RAB27B: variants seen among roughly 807,000 people sequenced by gnomAD.
The protein encoded by RAB27B is RAB27B, member RAS oncogene family, also known as ras-related protein Rab-27B.
A neutral mutation model predicts 24.6 loss-of-function variants in RAB27B; 15 were observed. The ratio of observed to expected loss-of-function variants is 0.61; its 90% confidence interval spans 0.41 to 0.94. RAB27B has a LOEUF of 0.94. Ranked by LOEUF, RAB27B falls within the 40% of genes least tolerant of loss-of-function variation. The pLI is 0.00. For missense variants in RAB27B, 261 were observed against 266.8 expected (o/e 0.98, Z 0.15); for synonymous variants, 105 against 92.5 (o/e 1.14, Z -0.78).
intron 3 of RAB27B, among the ~76,000 whole-genome samples, chr18:54,882,870 T>G (rs539931044): frequency 6.6e-6 from 1 of 152,078 alleles, no homozygotes; most frequent in South Asian, 2.1e-4. Flanking sequence ...AGTAGAGCAT[T>G]GATATAATCT....
intron 1 of RAB27B, among the ~76,000 whole-genome samples, chr18:54,869,669 A>C (rs2145255276): frequency 6.6e-6 from 1 of 152,356 alleles, no homozygotes; most frequent in African/African-American, 2.4e-5. Flanking sequence ...AAATAGGATT[A>C]ATAACCTAGG....
intron 2 of RAB27B, among the ~76,000 whole-genome samples, chr18:54,762,684 CT>C (rs1363010964): frequency 5.8e-4 from 89 of 152,148 alleles, no homozygotes; most frequent in Non-Finnish European, 1.0e-3. Context: ...TCTCTGAGGT[CT>C]TCCCTGGTGA....
chr18:54,777,289 A>T (rs907203886), intron 2 of RAB27B, among the ~76,000 whole-genome samples: 4 of 152,222 alleles, frequency 2.6e-5, no homozygotes, highest in African/African-American at 9.6e-5. Context: ...GAGAAGGAAG[A>T]GAAAGTACTT....
chr18:54,831,024 C>T (rs1910652550), intron 1 of RAB27B, among the ~76,000 whole-genome samples: 1 of 152,152 alleles, frequency 6.6e-6, no homozygotes. Flanking sequence ...GACCAAAATT[C>T]CTGACCTTGT....
chr18:54,817,502 G>C (rs549279755), intron 2 of RAB27B, among the ~76,000 whole-genome samples: 1 of 152,142 alleles, frequency 6.6e-6, no homozygotes, highest in South Asian at 2.1e-4. Flanking sequence ...AATCTTTTGG[G>C]CATAAAATAC....
At chr18:54,779,670 T>C (rs547556083) in intron 2 of RAB27B, among the ~76,000 whole-genome samples, 160 of 152,278 alleles carry the variant, frequency 1.1e-3, no homozygotes, top group African/African-American at 3.6e-3. Flanking sequence ...ACCAGTGATA[T>C]CAGCATCAAT....
At chr18:54,785,264 G>GCTAA (rs202032973) in intron 2 of RAB27B, among the ~76,000 whole-genome samples, 5 of 8,912 alleles carry the variant, frequency 5.6e-4, no homozygotes, top group Non-Finnish European at 4.1e-3. Flanking sequence ...AGCATGTCTG[G>GCTAA]CTTTTTTTTG....
chr18:54,753,402 A>G (rs1907898413), intron 2 of RAB27B, among the ~76,000 whole-genome samples: 1 of 152,168 alleles, frequency 6.6e-6, no homozygotes, highest in African/African-American at 2.4e-5. Context: ...GGCTTTGGGC[A>G]AGTTATTCTA....
chr18:54,722,450 G>A (rs777462174), intron 2 of RAB27B, among the ~76,000 whole-genome samples: 4 of 152,100 alleles, frequency 2.6e-5, no homozygotes, highest in African/African-American at 4.8e-5. Flanking sequence ...CTACATCCAC[G>A]GAGGTTAGAC....
At chr18:54,765,211 T>C (rs566676196) in intron 2 of RAB27B, among the ~76,000 whole-genome samples, 2 of 152,236 alleles carry the variant, frequency 1.3e-5, no homozygotes, top group South Asian at 4.2e-4. Context: ...CAGTCTTTAT[T>C]TTGCTCCTGG....
intron 2 of RAB27B, among the ~76,000 whole-genome samples, chr18:54,817,765 G>GA (rs149782836): frequency 1.6e-3 from 242 of 151,804 alleles, no homozygotes; most frequent in African/African-American, 5.4e-3. Context: ...GATCTCATAA[G>GA]AATCACCAGA....
At chr18:54,802,847 C>A (rs1909652987) in intron 2 of RAB27B, among the ~76,000 whole-genome samples, 1 of 152,162 alleles carries the variant, frequency 6.6e-6, no homozygotes, top group Non-Finnish European at 1.5e-5. Context: ...TATGTCAAGT[C>A]TTTGTCAATG....
intron 2 of RAB27B, among the ~76,000 whole-genome samples, chr18:54,731,748 T>C (rs1215646878): frequency 6.6e-6 from 1 of 152,152 alleles, no homozygotes; most frequent in Non-Finnish European, 1.5e-5. Flanking sequence ...GGCATAAACA[T>C]TTACAAAAAT....
At chr18:54,862,854 T>A (rs1240612090) in intron 1 of RAB27B, among the ~76,000 whole-genome samples, 3 of 152,228 alleles carry the variant, frequency 2.0e-5, no homozygotes, top group Non-Finnish European at 4.4e-5. Context: ...CACAGAAGAT[T>A]GGCTGTTGGA....
intron 2 of RAB27B, among the ~76,000 whole-genome samples, chr18:54,739,491 CCTTTTT>C: frequency 6.7e-6 from 1 of 150,050 alleles, no homozygotes. Context: ...AGAAATACTA[CCTTTTT>C]AAAATCCATT....
intron 1 of RAB27B, among the ~76,000 whole-genome samples, chr18:54,830,868 T>C (rs902130049): frequency 2.0e-5 from 3 of 152,160 alleles, no homozygotes; most frequent in Admixed American, 1.3e-4. Context: ...GTTTATCAAA[T>C]GGCCAAAAAA....
intron 2 of RAB27B, among the ~76,000 whole-genome samples, chr18:54,805,094 G>C (rs899724395): frequency 6.6e-6 from 1 of 151,602 alleles, no homozygotes; most frequent in Non-Finnish European, 1.5e-5. Flanking sequence ...CTTAATCCAA[G>C]GGCACTCTGA....
chr18:54,863,884 T>C (rs1912105964), intron 1 of RAB27B, among the ~76,000 whole-genome samples: 1 of 152,224 alleles, frequency 6.6e-6, no homozygotes, highest in Admixed American at 6.5e-5. Flanking sequence ...GAATTGTACA[T>C]ACATGCCACA....
At chr18:54,768,560 T>C (rs1054554069) in intron 2 of RAB27B, among the ~76,000 whole-genome samples, 7 of 152,164 alleles carry the variant, frequency 4.6e-5, no homozygotes, top group Non-Finnish European at 8.8e-5. Context: ...AGGTAATCAA[T>C]GTCAGCAATC....
Sources: allele counts gnomAD v4.1 joint callset (sites outside exome capture counted in the v4.1 genomes callset), GRCh38; gene constraint gnomAD v4.1.1; transcripts MANE v1.5; gene names NCBI Gene and HGNC (gene_info 2026-07-23, HGNC 2026-07-21).